LTF: variants seen among roughly 807,000 people sequenced by gnomAD.
The protein encoded by LTF is epididymis luminal protein 110.
Under a neutral mutation model 87.2 loss-of-function variants are expected in LTF, and 91 were observed. That is an observed-to-expected ratio of 1.04 (90% CI 0.88 to 1.24). The LOEUF (loss-of-function observed/expected upper bound fraction) is 1.24, where lower values mean the gene tolerates loss of function less well. Ranked by LOEUF, LTF falls within the 50% of genes most tolerant of loss-of-function variation. LTF has a pLI of 0.00. For missense variants in LTF, 901 were observed against 904.3 expected (o/e 1.00, Z 0.05); for synonymous variants, 378 against 356.1 (o/e 1.06, Z -0.69).
intron 6 of LTF, among the ~76,000 whole-genome samples, chr3:46,453,211 T>C (rs1404824552): frequency 6.6e-6 from 1 of 152,214 alleles, no homozygotes; most frequent in East Asian, 1.9e-4. Flanking sequence ...CTAGCAAATA[T>C]GTTGAAATGA....
intron 8 of LTF, among the ~76,000 whole-genome samples, 184 bp from the exon 9 acceptor site, chr3:46,449,201 A>G (rs1702736740): frequency 6.6e-6 from 1 of 152,196 alleles, no homozygotes; most frequent in African/African-American, 2.4e-5. Context: ...TCAGGTCCAC[A>G]GAGCTCCCTG....
At chr3:46,462,832 G>GT (rs1288847543) in intron 1 of LTF, among the ~76,000 whole-genome samples, 3 of 151,292 alleles carry the variant, frequency 2.0e-5, no homozygotes, top group African/African-American at 7.3e-5. Flanking sequence ...AATCAGCTTG[G>GT]TAATGGGTGG....
chr3:46,447,303 C>T lies in LTF; in HGVS notation c.1303+5G>A. On this transcript the variant is annotated splice_donor_5th_base_variant and intron_variant, in intron 10 of 16. Transcript: ENST00000231751. Reference sequence around the variant, plus strand: ...AATATACCAGAGGATGCTAACTCCACTTACTGTAGTTCTCTGCCAGGACAG... The same window carrying T: ...AATATACCAGAGGATGCTAACTCCATTTACTGTAGTTCTCTGCCAGGACAG... 6.2e-7 allele frequency: 1 copy of T among 1,612,690 alleles called. No individual in the cohort carries two copies. The highest frequency in any genetic ancestry group is 8.5e-7 in the Non-Finnish European group (1 of 1,178,644).
intron 11 of LTF, 61 bp from the exon 12 acceptor site, chr3:46,445,497 C>A (rs1202931647): frequency 2.7e-6 from 4 of 1,502,422 alleles, no homozygotes; most frequent in East Asian, 4.7e-5. Context: ...CACATGGATT[C>A]CAGTGGAGCT....
chr3:46,470,298 A>G (rs1703266200), intron 2 of LTF: 2 of 152,322 alleles, frequency 1.3e-5, no homozygotes, highest in African/African-American at 4.8e-5. Context: ...AAGGCCAGCC[A>G]TGCAAATTTC....
At chr3:46,454,688 T>C (rs1702882757) in intron 5 of LTF, among the ~76,000 whole-genome samples, 1 of 152,222 alleles carries the variant, frequency 6.6e-6, no homozygotes, top group South Asian at 2.1e-4. Flanking sequence ...TCCTCAGGAC[T>C]GAGTGTGCAG....
chr3:46,463,152 A>G (rs368471605), intron 1 of LTF, among the ~76,000 whole-genome samples: 16 of 151,820 alleles, frequency 1.1e-4, no homozygotes, highest in African/African-American at 3.9e-4. Flanking sequence ...AAAATCTTCA[A>G]CCCCACACTT....
upstream of LTF, among the ~76,000 whole-genome samples, chr3:46,465,986 C>T (rs1465870093): frequency 6.6e-6 from 1 of 152,182 alleles, no homozygotes; most frequent in Non-Finnish European, 1.5e-5. Context: ...TGCCTGTAAT[C>T]CCAGCACTTT....
intron 1 of LTF, chr3:46,484,871 G>T: frequency 6.6e-6 from 1 of 152,444 alleles, no homozygotes; most frequent in Non-Finnish European, 1.5e-5. Context: ...AAGATGTATG[G>T]GCCTGGCCCT....
At chr3:46,443,324 A>G in intron 13 of LTF, 117 bp downstream of exon 13, 1 of 1,285,596 alleles carries the variant, frequency 7.8e-7, no homozygotes, top group Non-Finnish European at 1.1e-6. Flanking sequence ...GAGCTGACCC[A>G]CAGGATGACC....
intron 16 of LTF, 51 bp from the exon 17 acceptor site, chr3:46,436,280 AC>A: frequency 6.6e-7 from 1 of 1,516,548 alleles, no homozygotes; most frequent in Non-Finnish European, 9.2e-7. Flanking sequence ...CTTCCATTAA[AC>A]CAGTTATTTA....
chr3:46,439,007 C>G (rs148807715), intron 15 of LTF, among the ~76,000 whole-genome samples: 60 of 152,204 alleles, frequency 3.9e-4, no homozygotes, highest in African/African-American at 1.4e-3. Flanking sequence ...GCCAGAAGAA[C>G]AGCAGGAGGG....
intron 2 of LTF, 100 bp from the exon 3 acceptor site, chr3:46,456,498 G>A (rs1261460346): frequency 1.8e-5 from 15 of 825,942 alleles, no homozygotes; most frequent in Middle Eastern, 2.3e-4. Context: ...TGGAAGGGTC[G>A]TCAAAGGGGT....
chr3:46,482,538 G>T (rs1407121397), intron 1 of LTF, among the ~76,000 whole-genome samples: 1 of 82,406 alleles, frequency 1.2e-5, no homozygotes, highest in Non-Finnish European at 2.4e-5. Flanking sequence ...GGGAAGGGAA[G>T]GGAAGGGAAG....
intron 13 of LTF, chr3:46,441,711 T>C (rs1286173155): frequency 2.1e-6 from 1 of 471,296 alleles, no homozygotes; most frequent in Non-Finnish European, 3.7e-6. Flanking sequence ...TCTAAAGATA[T>C]GCGACCCAGG....
intron 2 of LTF, among the ~76,000 whole-genome samples, chr3:46,458,667 C>T (rs1489188327): frequency 4.6e-5 from 7 of 152,190 alleles, no homozygotes; most frequent in African/African-American, 1.4e-4. Context: ...CTCCCCCTCC[C>T]GGGTTCAAGT....
intron 13 of LTF, among the ~76,000 whole-genome samples, chr3:46,442,236 G>T (rs1702540845): frequency 6.6e-6 from 1 of 152,084 alleles, no homozygotes. Flanking sequence ...TGGTGGAAAA[G>T]GTGCTGGGGG....
At chr3:46,469,237 G>A (rs1575326408), upstream of LTF, among the ~76,000 whole-genome samples, 1 of 152,342 alleles carries the variant, frequency 6.6e-6, no homozygotes, top group East Asian at 1.9e-4. Context: ...CTATCCCTGA[G>A]TCTCCCATTA....
chr3:46,482,032 A>AC (rs1444519402), intron 1 of LTF, among the ~76,000 whole-genome samples: 3 of 152,372 alleles, frequency 2.0e-5, no homozygotes, highest in Admixed American at 6.5e-5. Flanking sequence ...TTCATCAATG[A>AC]CATAAGCATT....
Sources: gnomAD v4.1 joint callset for allele counts (sites outside exome capture counted in the v4.1 genomes callset) on GRCh38, gnomAD v4.1.1 for gene constraint, MANE v1.5 for transcripts, NCBI Gene and HGNC (gene_info 2026-07-23, HGNC 2026-07-21) for gene names.